The following CDH2 variants were observed in gnomAD, a reference collection of about 807,000 sequenced individuals.
CDH2 encodes cadherin 2.
CDH2 carries 17 observed loss-of-function variants against 92.0 expected under a neutral mutation model. The observed-to-expected ratio is 0.18, with a 90% CI of 0.13 to 0.28. CDH2 has a LOEUF of 0.28. CDH2 is among the 10% of genes least tolerant of loss of function. The probability of loss-of-function intolerance (pLI) is 1.00; values close to 1 mark genes in which losing one functional copy is unlikely to be tolerated. For synonymous variants in CDH2, 419 were observed against 415.9 expected (o/e 1.01, Z -0.09); for missense variants, 862 against 1,133.1 (o/e 0.76, Z 3.44).
At chr18:27,937,903 C>T (rs1172177649) in intron 6 of CDH2, among the ~76,000 whole-genome samples, 1 of 151,972 alleles carries the variant, frequency 6.6e-6, no homozygotes. Context: ...TTTTTAACTT[C>T]TTTAAAAATA....
chr18:28,130,752 ATGC>A (rs2015754952), intron 2 of CDH2, among the ~76,000 whole-genome samples: 1 of 152,232 alleles, frequency 6.6e-6, no homozygotes, highest in Non-Finnish European at 1.5e-5. Context: ...GAGGGCTGTA[ATGC>A]TGCCAAGACT....
In CDH2 at chr18:28,177,023, G is replaced by A; in HGVS notation, c.-1C>T. 6.7e-7 allele frequency: 1 copy of A among 1,487,262 alleles called. No homozygotes were observed. Among genetic ancestry groups the A allele is most frequent in the South Asian group, 1.3e-5 (1 of 79,358 alleles). The allele number at this position is 1,487,262 out of a possible 1,614,324, so 92.1% of individuals were successfully genotyped here. A position where few individuals can be genotyped will look rare whatever the true frequency, so the allele number is the denominator to read the frequency against. On this transcript the variant is annotated 5_prime_UTR_variant, in exon 1 of 16. Coordinates refer to ENST00000269141, the MANE Select transcript of CDH2 (RefSeq NM_001792.5). ...GCAGCGCTCCCGCTATCCGGCACAT[G>A]GAGGCGGAGAGGGGCCGAGCGAAGA...
chr18:27,947,664 T>C (rs139970118), downstream of CDH2, among the ~76,000 whole-genome samples: 1 of 151,896 alleles, frequency 6.6e-6, no homozygotes, highest in East Asian at 1.9e-4. Context: ...TATAAGTATA[T>C]GTGATATAAG....
At chr18:28,155,451 A>C (rs1158353505) in intron 1 of CDH2, among the ~76,000 whole-genome samples, 1 of 152,146 alleles carries the variant, frequency 6.6e-6, no homozygotes, top group Non-Finnish European at 1.5e-5. Context: ...AATATTTTAA[A>C]ATTATTTTGT....
At chr18:27,983,913 G>C (rs2143949055) in intron 13 of CDH2, among the ~76,000 whole-genome samples, 1 of 152,278 alleles carries the variant, frequency 6.6e-6, no homozygotes, top group South Asian at 2.1e-4. Flanking sequence ...TAAAATCTGG[G>C]GGTATCAGTT....
intron 6 of CDH2, among the ~76,000 whole-genome samples, chr18:27,933,377 C>T (rs1476061878): frequency 6.6e-6 from 1 of 152,078 alleles, no homozygotes; most frequent in Non-Finnish European, 1.5e-5. Flanking sequence ...GTCCTCTTTA[C>T]TTTCAACTAT....
chr18:28,157,866 C>A (rs998955140), intron 1 of CDH2, among the ~76,000 whole-genome samples: 8 of 152,160 alleles, frequency 5.3e-5, no homozygotes, highest in Non-Finnish European at 8.8e-5. Flanking sequence ...TCACACCCCC[C>A]AGCCCAAACT....
At chr18:28,069,482 C>T (rs187169412) in intron 2 of CDH2, among the ~76,000 whole-genome samples, 23 of 152,220 alleles carry the variant, frequency 1.5e-4, no homozygotes, top group African/African-American at 5.3e-4. Context: ...CTTTCAAGTA[C>T]CCAGAACCAA....
At chr18:28,007,177 T>TAC (rs1567961300) in intron 5 of CDH2, among the ~76,000 whole-genome samples, 4 of 139,180 alleles carry the variant, frequency 2.9e-5, no homozygotes, top group Non-Finnish European at 6.1e-5. Flanking sequence ...TATATATATA[T>TAC]ATATATATAT....
At chr18:28,091,810 A>G (rs2015041830) in intron 2 of CDH2, among the ~76,000 whole-genome samples, 1 of 152,090 alleles carries the variant, frequency 6.6e-6, no homozygotes, top group South Asian at 2.1e-4. Context: ...TTTAAGGAAC[A>G]TCCCCCCACC....
downstream of CDH2, among the ~76,000 whole-genome samples, chr18:27,947,821 AGT>A (rs1909313404): frequency 6.6e-6 from 1 of 151,858 alleles, no homozygotes; most frequent in Non-Finnish European, 1.5e-5. Context: ...ATGTGATATA[AGT>A]GTATGTGATA....
chr18:28,019,405 C>T (rs576379794), intron 2 of CDH2, among the ~76,000 whole-genome samples: 1 of 151,974 alleles, frequency 6.6e-6, no homozygotes, highest in Non-Finnish European at 1.5e-5. Context: ...AAAAGAGAAA[C>T]AAAGGTAGGA....
chr18:28,057,968 T>C (rs1225858753), intron 2 of CDH2, among the ~76,000 whole-genome samples: 1 of 152,176 alleles, frequency 6.6e-6, no homozygotes, highest in Non-Finnish European at 1.5e-5. Context: ...CTAGAATTGC[T>C]AAGGTGGTTT....
intron 11 of CDH2, 59 bp downstream of exon 11, chr18:27,988,465 C>A (rs1567951452): frequency 1.4e-6 from 2 of 1,444,352 alleles, no homozygotes; most frequent in East Asian, 4.6e-5. Flanking sequence ...AATTCCTGAG[C>A]ATGCATGATG....
chr18:27,961,150 T>A (rs1214849969), intron 15 of CDH2, among the ~76,000 whole-genome samples: 1 of 151,888 alleles, frequency 6.6e-6, no homozygotes. Flanking sequence ...AGACTCAGTA[T>A]CCATTGAATC....
At chr18:28,128,741 TGTGCTTCA>T (rs934573000) in intron 2 of CDH2, among the ~76,000 whole-genome samples, 3 of 151,740 alleles carry the variant, frequency 2.0e-5, no homozygotes, top group African/African-American at 7.3e-5. Context: ...TTTGTTTCAA[TGTGCTTCA>T]GTGGCATTCA....
chr18:28,026,949 A>G (rs2013568388), intron 2 of CDH2, among the ~76,000 whole-genome samples: 4 of 152,154 alleles, frequency 2.6e-5, no homozygotes, highest in Admixed American at 2.6e-4. Context: ...TAGAAGGGAC[A>G]CATATCACTT....
chr18:28,012,089 G>T, intron 3 of CDH2, 97 bp from the exon 4 acceptor site: 2 of 1,020,252 alleles, frequency 2.0e-6, no homozygotes, highest in Non-Finnish European at 2.8e-6. Flanking sequence ...AGGAATCACA[G>T]TTTATTATGA....
Position 27,998,064 on chromosome 18 carries a change from C to T in CDH2, c.1021-4427G>A, listed in dbSNP as rs140576581. On this transcript the variant is annotated intron_variant, in intron 7 of 15. Coordinates refer to ENST00000269141, the MANE Select transcript of CDH2 (RefSeq NM_001792.5). ...CTCGTGATCCGCCCACCTTGGCCTCCCAAAGTGCTGGGATTACAGGTGTGA... is the reference window on the plus strand; with the variant it reads ...CTCGTGATCCGCCCACCTTGGCCTCTCAAAGTGCTGGGATTACAGGTGTGA... Among the ~76,000 whole-genome samples the T allele has an allele frequency of 5.2e-3, 786 of 152,220 alleles. 6 individuals carry two copies. Among genetic ancestry groups the T allele is most frequent in the African/African-American group, 0.016 (679 of 41,532 alleles).
Sources: allele counts gnomAD v4.1 joint callset (sites outside exome capture counted in the v4.1 genomes callset), GRCh38; gene constraint gnomAD v4.1.1; transcripts MANE v1.5; gene names NCBI Gene and HGNC (gene_info 2026-07-23, HGNC 2026-07-21).